The following LGMN variants were observed in gnomAD, a reference collection of about 807,000 sequenced individuals.
LGMN encodes asparaginyl endopeptidase.
A neutral mutation model predicts 56.8 loss-of-function variants in LGMN; 36 were observed. That is an observed-to-expected ratio of 0.63 (90% CI 0.49 to 0.84). LGMN has a LOEUF of 0.84. Ranked by LOEUF, LGMN falls within the 40% of genes least tolerant of loss-of-function variation. The pLI, the probability that LGMN is intolerant of heterozygous loss-of-function variation, is 0.00. For missense variants in LGMN, 446 were observed against 556.1 expected, an observed-to-expected ratio of 0.80 and a Z score of 1.99; for synonymous variants, 199 against 210.1, an observed-to-expected ratio of 0.95 and a Z score of 0.46.
chr14:92,705,018 G>A (rs774258448), intron 12 of LGMN: 2 of 303,280 alleles, frequency 6.6e-6, no homozygotes, highest in Admixed American at 3.9e-5. Flanking sequence ...ATCTCCCCGG[G>A]AAGTCTGCCT....
At chr14:92,729,794 G>A (rs956028125) in intron 2 of LGMN, among the ~76,000 whole-genome samples, 37 of 152,236 alleles carry the variant, frequency 2.4e-4, no homozygotes, top group African/African-American at 8.9e-4. Context: ...GCCGGCTGAG[G>A]ACAGAAGCAG....
chr14:92,704,208 T>C lies in LGMN; in HGVS notation c.*111A>G. On this transcript the variant is annotated 3_prime_UTR_variant, in exon 14 of 14. Transcript: ENST00000334869. The stretch of plus-strand genomic sequence containing the variant: ...CTGGAGCGAGCCCTGGAGCGGGGGC[T>C]CCCCAGGAGGGCCCGAGCAGCGGAG... 2 of 1,400,900 alleles carry C rather than the reference T, an allele frequency of 1.4e-6. No homozygotes were observed. Among genetic ancestry groups the C allele is most frequent in the Non-Finnish European group, 2.0e-6 (2 of 986,552 alleles). 86.8% of individuals were successfully genotyped at this position (1,400,900 alleles called of 1,614,324 possible). A position where few individuals can be genotyped will look rare whatever the true frequency, so the allele number is the denominator to read the frequency against.
intron 12 of LGMN, among the ~76,000 whole-genome samples, chr14:92,706,078 C>T (rs1273797903): frequency 6.6e-6 from 1 of 152,166 alleles, no homozygotes; most frequent in African/African-American, 2.4e-5. Context: ...TGCAGAAACT[C>T]AGTACTTCTC....
intron 2 of LGMN, among the ~76,000 whole-genome samples, chr14:92,721,775 T>C (rs1450683549): frequency 6.6e-6 from 1 of 152,114 alleles, no homozygotes; most frequent in Non-Finnish European, 1.5e-5. Context: ...TGTCATAAGT[T>C]CACATAAATG....
chr14:92,742,159 C>T (rs1445507538), intron 1 of LGMN, among the ~76,000 whole-genome samples: 2 of 151,556 alleles, frequency 1.3e-5, no homozygotes, highest in East Asian at 3.9e-4. Context: ...TCCACTAACC[C>T]CCCCTCACCT....
chr14:92,729,483 C>T (rs934067816), intron 2 of LGMN, among the ~76,000 whole-genome samples: 1 of 124,200 alleles, frequency 8.1e-6, no homozygotes, highest in Admixed American at 8.0e-5. Context: ...CCCCCCCGCC[C>T]CCGTTAAACA....
Position 92,734,953 on chromosome 14 carries a change from G to T in LGMN, c.-29-2138C>A, listed in dbSNP as rs183485311. Among the ~76,000 whole-genome samples, 394 of 152,282 alleles carry T rather than the reference G, an allele frequency of 2.6e-3. 1 individual carries two copies. Among genetic ancestry groups the T allele is most frequent in the African/African-American group, 8.6e-3 (356 of 41,544 alleles). On this transcript the variant is annotated intron_variant, in intron 1 of 13. Transcript: ENST00000334869. ...GGTGCTGGGTGCTGGGAACTCAACA[G>T]GGACAGAACAAAGCCTGTGTCTTCA...
rs554834901 is a variant in LGMN, at chr14:92,745,291, A to G, written c.-30+3198T>C. Among the ~76,000 whole-genome samples, 36 of 152,382 alleles carry G rather than the reference A, an allele frequency of 2.4e-4. 1 individual carries two copies. Among genetic ancestry groups the G allele is most frequent in the African/African-American group, 8.4e-4 (35 of 41,600 alleles). ...CAGTGCAGTTTGCAGCCTTTTCCCAAAATGACTGAGCCTAACTTTTTATAG... is the reference window on the plus strand; with the variant it reads ...CAGTGCAGTTTGCAGCCTTTTCCCAGAATGACTGAGCCTAACTTTTTATAG... On this transcript the variant is annotated intron_variant, in intron 1 of 13. Transcript: ENST00000334869.
chr14:92,746,985 G>C (rs749979175), intron 1 of LGMN, among the ~76,000 whole-genome samples: 1 of 144,470 alleles, frequency 6.9e-6, no homozygotes, highest in Non-Finnish European at 1.5e-5. Context: ...GCAGTGAGCC[G>C]AGATAGCGCC....
In LGMN at chr14:92,725,563, G is replaced by A. The variant is rs570800318; in HGVS notation, c.139-6719C>T. ...TGTTGCTGAAAATAAAAATAAAAGC[G>A]GATTTCTTTTTTCTTTTTCTTTTTT... On this transcript the variant is annotated intron_variant, in intron 2 of 13. Coordinates refer to ENST00000334869, the MANE Select transcript of LGMN (RefSeq NM_005606.7). Among the ~76,000 whole-genome samples, 72 of 151,986 alleles carry A rather than the reference G, an allele frequency of 4.7e-4. No homozygotes were observed. In the South Asian group the frequency reaches 8.1e-3, roughly 17 times the overall value.
At chr14:92,747,501 AAAAC>A (rs775173546) in intron 1 of LGMN, among the ~76,000 whole-genome samples, 3 of 152,186 alleles carry the variant, frequency 2.0e-5, no homozygotes, top group East Asian at 1.9e-4. Context: ...AAAACAAAAC[AAAAC>A]AAACAAACAG....
In LGMN at chr14:92,709,624, C is replaced by T. The variant is rs746403877; in HGVS notation, c.1020+48G>A. 25 of 1,524,094 alleles carry T rather than the reference C, an allele frequency of 1.6e-5. 1 individual carries two copies. The South Asian group carries it at 2.5e-4, about 15-fold the overall frequency. The allele number at this position is 1,524,094 out of a possible 1,614,324, so 94.4% of individuals were successfully genotyped here. On this transcript the variant is annotated intron_variant, in intron 11 of 13. Transcript: ENST00000334869. ...GGCCGTGCTCATGCATGCTGCCCAC[C>T]TGGGCTGGGGACAGCACCTGGGCAC...
intron 1 of LGMN, among the ~76,000 whole-genome samples, chr14:92,746,667 T>C (rs1891832934): frequency 6.6e-6 from 1 of 152,148 alleles, no homozygotes; most frequent in Non-Finnish European, 1.5e-5. Flanking sequence ...TCCTGGACAT[T>C]CAGGATAAAC....
chr14:92,745,058 G>C (rs747571025), intron 1 of LGMN, among the ~76,000 whole-genome samples: 2 of 152,202 alleles, frequency 1.3e-5, no homozygotes, highest in Non-Finnish European at 2.9e-5. Context: ...AGTACTCTGG[G>C]AGGCCGAAGC....
At chr14:92,712,960 A>C (rs1035957176) in intron 7 of LGMN, 89 bp from the exon 8 acceptor site, 1 of 1,179,612 alleles carries the variant, frequency 8.5e-7, no homozygotes. Context: ...CTCTCTACCC[A>C]TTCCTAACAA....
intron 2 of LGMN, among the ~76,000 whole-genome samples, chr14:92,719,344 GCCACCACCACCAACACCA>G (rs1261843230): frequency 1.3e-5 from 1 of 74,436 alleles, no homozygotes; most frequent in Non-Finnish European, 2.6e-5. Context: ...CGCCATCACC[GCCACCACCACCAACACCA>G]CCACCACCAC....
intron 1 of LGMN, among the ~76,000 whole-genome samples, chr14:92,744,200 G>A (rs1468490488): frequency 3.9e-5 from 6 of 151,940 alleles, no homozygotes; most frequent in Non-Finnish European, 7.4e-5. Context: ...ACTCAGCTTC[G>A]TTTATTGTTG....
Position 92,739,869 on chromosome 14 carries a change from C to T in LGMN, c.-29-7054G>A, listed in dbSNP as rs550870897. On this transcript the variant is annotated intron_variant, in intron 1 of 13. Transcript: ENST00000334869. ...AGACTGGAAAGATCTCCCCCAGGGGCGCTGTTGGGACACATGCATCGTCTG... is the reference window on the plus strand; with the variant it reads ...AGACTGGAAAGATCTCCCCCAGGGGTGCTGTTGGGACACATGCATCGTCTG... Among the ~76,000 whole-genome samples the T allele has an allele frequency of 6.6e-5, 10 of 152,284 alleles. No homozygotes were observed. In the East Asian group the frequency reaches 1.3e-3, roughly 21 times the overall value.
chr14:92,741,104 T>G (rs1891532506), intron 1 of LGMN: 1 of 152,012 alleles, frequency 6.6e-6, no homozygotes, highest in African/African-American at 2.4e-5. Context: ...GGAGAATTGC[T>G]TGAACCCGGG....
Sources: gnomAD v4.1 joint callset for allele counts (sites outside exome capture counted in the v4.1 genomes callset) on GRCh38, gnomAD v4.1.1 for gene constraint, MANE v1.5 for transcripts, NCBI Gene and HGNC (gene_info 2026-07-23, HGNC 2026-07-21) for gene names.